The following GNAO1 variants were observed in gnomAD, a reference collection of about 807,000 sequenced individuals.
GNAO1 encodes the protein guanine nucleotide-binding protein G(o) subunit alpha.
For synonymous variants in GNAO1, 164 were observed against 180.7 expected, an observed-to-expected ratio of 0.91 and a Z score of 0.74; for missense variants, 166 against 478.7, an observed-to-expected ratio of 0.35 and a Z score of 6.10.
At chr16:56,266,046 C>T (rs147760718) in intron 2 of GNAO1, among the ~76,000 whole-genome samples, 142 of 152,322 alleles carry the variant, frequency 9.3e-4, no homozygotes, top group African/African-American at 3.3e-3. Flanking sequence ...GAGGCCTCAG[C>T]TTCATGCCAC....
intron 2 of GNAO1, chr16:56,194,294 C>T (rs1407025721): frequency 2.2e-6 from 1 of 456,518 alleles, no homozygotes; most frequent in Non-Finnish European, 4.4e-6. Flanking sequence ...GGGGAATTGC[C>T]CTTTGCAACA....
In GNAO1 at chr16:56,342,639, G is replaced by A. The variant is rs188788487; in HGVS notation, c.723+5779G>A. Reference sequence around the variant, plus strand: ...GACAGCAGAAACAAGAAGTTTATAGGCTTCTTCTCCCATCTGGCCCAGCAG... The same window carrying A: ...GACAGCAGAAACAAGAAGTTTATAGACTTCTTCTCCCATCTGGCCCAGCAG... On this transcript the variant is annotated intron_variant, in intron 6 of 8. Transcript: ENST00000262493. 1.4e-3 allele frequency among the ~76,000 whole-genome samples: 211 copies of A among 152,332 alleles called. 2 individuals carry two copies. The highest frequency in any genetic ancestry group is 0.013 in the Admixed American group (198 of 15,306).
At chr16:56,334,905 C>A in intron 5 of GNAO1, 48 bp downstream of exon 5, 1 of 1,597,942 alleles carries the variant, frequency 6.3e-7, no homozygotes, top group Non-Finnish European at 8.6e-7. Flanking sequence ...TAAGATGGGA[C>A]ATGCCCAGCC....
chr16:56,214,263 T>C (rs2143341682), intron 2 of GNAO1, among the ~76,000 whole-genome samples: 1 of 152,280 alleles, frequency 6.6e-6, no homozygotes, highest in Non-Finnish European at 1.5e-5. Context: ...ATATCAGCAT[T>C]ACCAGACCAT....
intron 3 of GNAO1, among the ~76,000 whole-genome samples, chr16:56,324,780 G>C (rs932456787): frequency 4.6e-5 from 7 of 152,236 alleles, no homozygotes; most frequent in Non-Finnish European, 8.8e-5. Flanking sequence ...TTGGATGCTG[G>C]GTCAGGTCAG....
At chr16:56,275,881 T>C (rs2037056952) in intron 2 of GNAO1, 50 bp from the exon 3 acceptor site, 1 of 1,529,262 alleles carries the variant, frequency 6.5e-7, no homozygotes, top group Admixed American at 1.9e-5. Flanking sequence ...CTCTCTGTGT[T>C]GATGAGGACA....
chr16:56,275,313 G>A (rs1341430533), intron 2 of GNAO1, among the ~76,000 whole-genome samples: 6 of 152,228 alleles, frequency 3.9e-5, no homozygotes, highest in African/African-American at 1.4e-4. Flanking sequence ...TGAAAGTTGT[G>A]ATGTCCCCTT....
At position 56,334,905 on chromosome 16, in the gene GNAO1, C is replaced by T. The variant is rs12721462; in HGVS notation, c.593+48C>T. On this transcript the variant is annotated intron_variant, in intron 5 of 8. Coordinates refer to ENST00000262493, the MANE Select transcript of GNAO1 (RefSeq NM_020988.3). ...GGCCCTGGCGAGGGCTAAGATGGGA[C>T]ATGCCCAGCCTCTCAGCGCATTGCG... 1,522 of 1,597,926 alleles carry T rather than the reference C, an allele frequency of 9.5e-4. 13 individuals are homozygous for T. The African/African-American group carries it at 0.018, about 19-fold the overall frequency.
At chr16:56,322,931 A>G (rs2037590471) in intron 3 of GNAO1, among the ~76,000 whole-genome samples, 2 of 152,140 alleles carry the variant, frequency 1.3e-5, no homozygotes, top group Non-Finnish European at 2.9e-5. Flanking sequence ...TCTACCAAGC[A>G]CGGTGTGAGG....
At chr16:56,254,528 C>T (rs554422995) in intron 2 of GNAO1, among the ~76,000 whole-genome samples, 1 of 152,022 alleles carries the variant, frequency 6.6e-6, no homozygotes, top group Non-Finnish European at 1.5e-5. Context: ...ATCTGCTTGC[C>T]TATGCATTTA....
intron 2 of GNAO1, among the ~76,000 whole-genome samples, chr16:56,253,602 G>A (rs1333259212): frequency 6.6e-6 from 1 of 152,324 alleles, no homozygotes; most frequent in Non-Finnish European, 1.5e-5. Context: ...GTGTTGGTAG[G>A]TGAAAGCAGG....
At chr16:56,316,245 C>T (rs2037508353) in intron 3 of GNAO1, among the ~76,000 whole-genome samples, 1 of 152,180 alleles carries the variant, frequency 6.6e-6, no homozygotes, top group African/African-American at 2.4e-5. Context: ...CGTGAATGTC[C>T]CAGGCCCCAA....
At position 56,240,127 on chromosome 16, in the gene GNAO1, A is replaced by G. The variant is rs1690510938; in HGVS notation, c.162-35804A>G. ...TGGGGACACAGCCAGCCCCAGTGTA[A>G]TCTTACAATGGAGATGGGATCTCTT... On this transcript the variant is annotated intron_variant, in intron 2 of 8. Transcript: ENST00000262493. 3.3e-5 allele frequency among the ~76,000 whole-genome samples: 5 copies of G among 152,118 alleles called. No homozygotes were observed. The South Asian group carries it at 1.0e-3, about 32-fold the overall frequency.
At chr16:56,247,451 C>T (rs757599224) in intron 2 of GNAO1, among the ~76,000 whole-genome samples, 1 of 145,858 alleles carries the variant, frequency 6.9e-6, no homozygotes, top group African/African-American at 2.5e-5. Flanking sequence ...TGCAGTGTAT[C>T]TGACATTTTG....
chr16:56,248,578 A>G (rs2036771006), intron 2 of GNAO1, among the ~76,000 whole-genome samples: 2 of 152,206 alleles, frequency 1.3e-5, no homozygotes, highest in Admixed American at 1.3e-4. Context: ...CAGATAGGCT[A>G]TGAAGAAAAA....
chr16:56,224,047 T>G (rs972975866), intron 2 of GNAO1, among the ~76,000 whole-genome samples: 3 of 152,064 alleles, frequency 2.0e-5, no homozygotes, highest in African/African-American at 7.2e-5. Flanking sequence ...TGAGGCTCAG[T>G]GGGGAAGCGG....
chr16:56,329,462 C>G (rs1403608813), intron 4 of GNAO1, among the ~76,000 whole-genome samples: 2 of 151,524 alleles, frequency 1.3e-5, no homozygotes, highest in African/African-American at 4.8e-5. Flanking sequence ...CTTCCCATCA[C>G]AGCAGGTCAC....
At chr16:56,217,346 C>G (rs915617386) in intron 2 of GNAO1, among the ~76,000 whole-genome samples, 1 of 152,176 alleles carries the variant, frequency 6.6e-6, no homozygotes. Flanking sequence ...AATAAGACAT[C>G]AGATTTAGCT....
rs200770905 is a variant in GNAO1 at position 56,225,364 on chromosome 16, T to C, written c.161+32748T>C. On this transcript the variant is annotated intron_variant, in intron 2 of 8. Coordinates refer to ENST00000262493, the MANE Select transcript of GNAO1 (RefSeq NM_020988.3). The stretch of plus-strand genomic sequence containing the variant: ...ATACGTGTTCCTACTACATACCAGC[T>C]CCAGGCTTGGCACTTTTGTGCATTG... Among the ~76,000 whole-genome samples the C allele has an allele frequency of 2.6e-5, 4 of 152,342 alleles. No individual in the cohort carries two copies. In the East Asian group the frequency reaches 7.7e-4, roughly 29 times the overall value.
Sources: gnomAD v4.1 joint callset for allele counts (sites outside exome capture counted in the v4.1 genomes callset) on GRCh38, gnomAD v4.1.1 for gene constraint, MANE v1.5 for transcripts, NCBI Gene and HGNC (gene_info 2026-07-23, HGNC 2026-07-21) for gene names.